Variants in FRMD4A observed in about 807,000 individuals in gnomAD.
FRMD4A encodes the protein FERM domain-containing protein 4A.
A neutral mutation model predicts 129.1 loss-of-function variants in FRMD4A; 29 were observed. The ratio of observed to expected loss-of-function variants is 0.22; its 90% confidence interval spans 0.17 to 0.31. FRMD4A has a LOEUF of 0.31. Ranked by LOEUF, FRMD4A falls within the 10% of genes least tolerant of loss-of-function variation. FRMD4A has a pLI of 1.00. For synonymous variants in FRMD4A, 634 were observed against 571.6 expected (o/e 1.11, Z -1.56); for missense variants, 1,272 against 1,375.8 (o/e 0.92, Z 1.19).
intron 2 of FRMD4A, among the ~76,000 whole-genome samples, chr10:14,142,728 T>C (rs1449689404): frequency 2.6e-5 from 4 of 152,224 alleles, no homozygotes; most frequent in African/African-American, 9.6e-5. Context: ...ATGGGTAGAA[T>C]GAAAACGCAA....
At chr10:14,029,808 A>G (rs1833150358) in intron 2 of FRMD4A, among the ~76,000 whole-genome samples, 1 of 7,800 alleles carries the variant, frequency 1.3e-4, no homozygotes, top group Non-Finnish European at 2.8e-4. Flanking sequence ...TCCAGTTTAC[A>G]TGAAAAAAAA....
intron 5 of FRMD4A, among the ~76,000 whole-genome samples, chr10:13,783,571 G>A (rs569267843): frequency 2.0e-5 from 3 of 150,124 alleles, no homozygotes; most frequent in African/African-American, 2.5e-5. Context: ...TTGTAGATAC[G>A]GAGTCTTCCT....
In FRMD4A at chr10:13,656,758, C is replaced by A; in HGVS notation, c.2831G>T (p.Arg944Leu). The A allele has an allele frequency of 1.3e-6, 2 of 1,598,306 alleles. No homozygotes were observed. Among genetic ancestry groups the A allele is most frequent in the South Asian group, 1.1e-5 (1 of 88,808 alleles). ...RSTASHKEHS[R>L]LSHTSSTSSD... ...GGAGGTGGAGCTGGTGTGCGACAGG[C>A]GGCTGTGCTCCTTGTGCGAGGCGGT... Residue 944 changes from arginine to leucine, a missense_variant, in exon 22 of 25, where the codon CGC becomes CTC. Physicochemically the swap from Arg to Leu is moderately radical, Grantham distance 102 (BLOSUM62 -2). Around this residue, in one of 2 missense-constraint regions of FRMD4A, gnomAD observed 972 missense variants for 892.3 expected, o/e 1.09. Coordinates refer to ENST00000357447, the MANE Select transcript of FRMD4A (RefSeq NM_018027.5).
chr10:14,031,470 G>C (rs1353292498), intron 2 of FRMD4A, among the ~76,000 whole-genome samples: 1 of 152,106 alleles, frequency 6.6e-6, no homozygotes, highest in African/African-American at 2.4e-5. Context: ...GGTTCACCAT[G>C]TTGGTCAGGC....
At chr10:14,087,795 C>T (rs7917001) in intron 2 of FRMD4A, among the ~76,000 whole-genome samples, 21,953 of 152,196 alleles carry the variant, frequency 0.14, 2,017 homozygotes, top group African/African-American at 0.25. Context: ...GTCGGCAGCA[C>T]GGATTTCAGA....
chr10:13,975,649 ATG>A (rs1157672129), intron 2 of FRMD4A, among the ~76,000 whole-genome samples: 2 of 146,004 alleles, frequency 1.4e-5, no homozygotes, highest in Non-Finnish European at 3.0e-5. Context: ...GTGAATCTCT[ATG>A]TGTGTTTGTG....
At chr10:13,668,894 A>C (rs2083278137) in intron 17 of FRMD4A, among the ~76,000 whole-genome samples, 1 of 151,876 alleles carries the variant, frequency 6.6e-6, no homozygotes, top group African/African-American at 2.4e-5. Flanking sequence ...CCCTCCTTTG[A>C]GACTGCATCT....
intron 15 of FRMD4A, among the ~76,000 whole-genome samples, chr10:13,676,889 A>T (rs2084053719): frequency 6.6e-6 from 1 of 152,214 alleles, no homozygotes; most frequent in Non-Finnish European, 1.5e-5. Context: ...AGATGAAAAA[A>T]TTCTATTTCC....
At chr10:13,669,833 C>A (rs887130495) in intron 17 of FRMD4A, among the ~76,000 whole-genome samples, 1 of 152,180 alleles carries the variant, frequency 6.6e-6, no homozygotes, top group Admixed American at 6.5e-5. Context: ...CATCTTCACC[C>A]GTGTTCAGTC....
chr10:14,066,857 C>T lies in FRMD4A; in HGVS notation c.46-207945G>A, dbSNP rs557897998. The stretch of plus-strand genomic sequence containing the variant: ...TGAGAGACTTAAATGGACTTCTTTC[C>T]GTTCCGACTAATGGAATAGACAAAA... On this transcript the variant is annotated intron_variant, in intron 2 of 24. Coordinates refer to ENST00000357447, the MANE Select transcript of FRMD4A (RefSeq NM_018027.5). Among the ~76,000 whole-genome samples the T allele has an allele frequency of 1.9e-4, 29 of 152,204 alleles. No individual in the cohort carries two copies. In the East Asian group the frequency reaches 5.6e-3, roughly 29 times the overall value.
At position 13,858,920 on chromosome 10, in the gene FRMD4A, G is replaced by C. The variant is rs377645888; in HGVS notation, c.46-8C>G. 8 of 1,568,854 alleles carry C rather than the reference G, an allele frequency of 5.1e-6. No individual in the cohort carries two copies. The African/African-American group carries it at 9.5e-5, about 19-fold the overall frequency. ...TCGGCGGCCCTCCGTCATCTAAGAG[G>C]GAAGAGAAATGGTAGTCACTGAGAG... On this transcript the variant is annotated splice_region_variant and splice_polypyrimidine_tract_variant and intron_variant, in intron 2 of 24. Coordinates refer to ENST00000357447, the MANE Select transcript of FRMD4A (RefSeq NM_018027.5).
chr10:13,655,133 C>G (rs928368175), intron 22 of FRMD4A: 1 of 152,312 alleles, frequency 6.6e-6, no homozygotes, highest in African/African-American at 2.4e-5. Flanking sequence ...GGAAGTCCAG[C>G]TGGAAAGATT....
chr10:14,322,032 G>A (rs1455876221), intron 2 of FRMD4A, among the ~76,000 whole-genome samples: 1 of 152,134 alleles, frequency 6.6e-6, no homozygotes, highest in Admixed American at 6.5e-5. Flanking sequence ...TAAGTTTCCT[G>A]AGGCTTCTCC....
chr10:13,763,084 T>G (rs1296190242), intron 6 of FRMD4A, among the ~76,000 whole-genome samples: 3 of 152,188 alleles, frequency 2.0e-5, no homozygotes, highest in Non-Finnish European at 4.4e-5. Context: ...CCCTGAATTA[T>G]TCAGTCCTAA....
intron 12 of FRMD4A, among the ~76,000 whole-genome samples, chr10:13,712,383 A>C (rs1296400027): frequency 2.0e-5 from 3 of 152,090 alleles, no homozygotes; most frequent in Non-Finnish European, 2.9e-5. Context: ...GTGTAGTGGC[A>C]CGCGCCTGTA....
At chr10:14,143,589 A>G (rs1839939044) in intron 2 of FRMD4A, among the ~76,000 whole-genome samples, 1 of 152,150 alleles carries the variant, frequency 6.6e-6, no homozygotes. Flanking sequence ...TGCACTTAAG[A>G]TGGTTACAAT....
chr10:13,924,790 G>A (rs1008912654), intron 2 of FRMD4A, among the ~76,000 whole-genome samples: 2 of 152,114 alleles, frequency 1.3e-5, no homozygotes, highest in Admixed American at 1.3e-4. Context: ...GTGTTCAGCA[G>A]ACATCTGTTG....
At chr10:13,885,501 G>A (rs1015354672) in intron 2 of FRMD4A, among the ~76,000 whole-genome samples, 2 of 152,162 alleles carry the variant, frequency 1.3e-5, no homozygotes, top group African/African-American at 2.4e-5. Flanking sequence ...AGACCAGGGC[G>A]AGGTCCCTCA....
At chr10:14,127,563 C>A (rs1361980345) in intron 2 of FRMD4A, among the ~76,000 whole-genome samples, 1 of 152,166 alleles carries the variant, frequency 6.6e-6, no homozygotes, top group Non-Finnish European at 1.5e-5. Flanking sequence ...TCTGTCTTGT[C>A]TCTGTGCCTC....
Sources: allele counts gnomAD v4.1 joint callset (sites outside exome capture counted in the v4.1 genomes callset), GRCh38; gene constraint gnomAD v4.1.1; regional missense constraint gnomAD v4.1.1; transcripts MANE v1.5; gene names NCBI Gene and HGNC (gene_info 2026-07-23, HGNC 2026-07-21).